Variants in BAIAP2 observed in about 807,000 individuals in gnomAD.
BAIAP2 encodes BAR/IMD domain-containing adapter protein 2.
In BAIAP2, 18 loss-of-function variants were observed where a neutral mutation model predicts 63.0. The observed-to-expected ratio is 0.29, with a 90% CI of 0.20 to 0.42. BAIAP2 has a LOEUF of 0.42. Among genes scored for constraint, BAIAP2 ranks in the 10% least tolerant of loss-of-function variants. BAIAP2 has a pLI of 1.00. For missense variants in BAIAP2, 610 were observed against 734.3 expected, an observed-to-expected ratio of 0.83 and a Z score of 1.96; for synonymous variants, 386 against 307.6, an observed-to-expected ratio of 1.25 and a Z score of -2.67.
At chr17:81,104,839 GT>G in intron 10 of BAIAP2, 124 bp downstream of exon 10, 1 of 1,039,406 alleles carries the variant, frequency 9.6e-7, no homozygotes, top group Non-Finnish European at 1.4e-6. Context: ...GGTCCTCGCC[GT>G]AGAAGACCTG....
In BAIAP2 at chr17:81,106,772, G is replaced by A. The variant is rs192600701; in HGVS notation, c.1365G>A (p.Thr455=). The change falls in exon 12 of 14, where the codon ACG becomes ACA. Residue 455 remains threonine (T), a synonymous_variant. Transcript: ENST00000428708. ...MSLQQGKSSS[T]GNLLDKDDLA... ...TGCAGCAAGGGAAGAGCAGCAGCACGGGCAACCTCCTGGACAAGGACGACC... is the reference window on the plus strand; with the variant it reads ...TGCAGCAAGGGAAGAGCAGCAGCACAGGCAACCTCCTGGACAAGGACGACC... 7.4e-6 allele frequency: 12 copies of A among 1,612,640 alleles called. No homozygotes were observed. Among genetic ancestry groups the A allele is most frequent in the African/African-American group, 5.3e-5 (4 of 75,042 alleles).
rs780319370 is a variant in BAIAP2, at chr17:81,106,059, C to T, written c.1269-19C>T. ...GCCTCTGGGCTGAGCGTGGCTCTTA[C>T]CTGGGGCCTCTCTTCCAGGCGGGGC... On this transcript the variant is annotated intron_variant, in intron 10 of 13. Transcript: ENST00000428708. The T allele has an allele frequency of 8.3e-6, 13 of 1,564,796 alleles. No homozygotes were observed. The South Asian group carries it at 1.3e-4, about 16-fold the overall frequency.
Position 81,047,958 on chromosome 17 carries a change from C to T in BAIAP2, c.55-5710C>T, listed in dbSNP as rs533256818. Among the ~76,000 whole-genome samples the T allele has an allele frequency of 2.6e-5, 4 of 152,376 alleles. No individual in the cohort carries two copies. The South Asian group carries it at 8.3e-4, about 32-fold the overall frequency. ...GTGTGGCCATACGCGCCCACCCTGG[C>T]ATCTGCCTTGAGGGGCTGGAGGGAG... On this transcript the variant is annotated intron_variant, in intron 1 of 13. Coordinates refer to ENST00000428708, the MANE Select transcript of BAIAP2 (RefSeq NM_001144888.2).
At chr17:81,049,701 G>T (rs1220539365) in intron 1 of BAIAP2, among the ~76,000 whole-genome samples, 2 of 152,224 alleles carry the variant, frequency 1.3e-5, no homozygotes, top group Non-Finnish European at 2.9e-5. Context: ...GCTGCTGTTG[G>T]TTTTCATTCC....
intron 3 of BAIAP2, among the ~76,000 whole-genome samples, chr17:81,079,699 A>T (rs949871981): frequency 3.3e-5 from 5 of 152,098 alleles, no homozygotes; most frequent in Non-Finnish European, 7.3e-5. Context: ...GATCCTTCTG[A>T]TGGCGACGGC....
In BAIAP2 at chr17:81,112,780, G is replaced by A. The variant is rs546795063; in HGVS notation, c.1536-2990G>A. On this transcript the variant is annotated intron_variant, in intron 13 of 13. Transcript: ENST00000428708. ...TGAAGCTGCCGCTTGGCCGAGCGCC[G>A]TGGCCCACACCTGTAATCCCAGCAC... Among the ~76,000 whole-genome samples, 31 of 152,332 alleles carry A rather than the reference G, an allele frequency of 2.0e-4. No individual in the cohort carries two copies. The South Asian group carries it at 3.1e-3, about 15-fold the overall frequency.
intron 2 of BAIAP2, among the ~76,000 whole-genome samples, chr17:81,055,252 C>A (rs1195734711): frequency 6.6e-6 from 1 of 151,924 alleles, no homozygotes; most frequent in African/African-American, 2.4e-5. Flanking sequence ...CAACCGAGCA[C>A]CTGGCAGAAG....
chr17:81,082,224 CAT>C (rs2054743073), intron 3 of BAIAP2, among the ~76,000 whole-genome samples: 2 of 152,200 alleles, frequency 1.3e-5, no homozygotes, highest in South Asian at 4.1e-4. Context: ...GCCACACACA[CAT>C]GCTCACCCGC....
intron 6 of BAIAP2, among the ~76,000 whole-genome samples, chr17:81,091,804 T>C (rs1210255135): frequency 1.3e-5 from 2 of 152,230 alleles, no homozygotes; most frequent in Non-Finnish European, 2.9e-5. Context: ...GTTCCCAAGC[T>C]GCCCCTGCCA....
At chr17:81,076,570 C>T (rs2053695323) in intron 3 of BAIAP2, 1 of 152,234 alleles carries the variant, frequency 6.6e-6, no homozygotes, top group African/African-American at 2.4e-5. Flanking sequence ...CCTGAAGCTG[C>T]TTCTGAAAGA....
intron 1 of BAIAP2, among the ~76,000 whole-genome samples, chr17:81,042,357 T>C (rs1341742534): frequency 6.6e-6 from 1 of 151,882 alleles, no homozygotes. Flanking sequence ...GGTCTTGCTA[T>C]GTTGCCCAGG....
At chr17:81,072,790 G>GGCCT (rs2052934381) in intron 3 of BAIAP2, among the ~76,000 whole-genome samples, 1 of 151,890 alleles carries the variant, frequency 6.6e-6, no homozygotes, top group South Asian at 2.1e-4. Flanking sequence ...GTATGAGAAG[G>GGCCT]GGCCATTGGT....
At chr17:81,088,014 G>C (rs2145389098) in intron 6 of BAIAP2, among the ~76,000 whole-genome samples, 1 of 152,210 alleles carries the variant, frequency 6.6e-6, no homozygotes, top group African/African-American at 2.4e-5. Flanking sequence ...TGAGCAGTGG[G>C]CATGGGGAGT....
At chr17:81,078,267 C>T (rs1364527987) in intron 3 of BAIAP2, among the ~76,000 whole-genome samples, 2 of 121,130 alleles carry the variant, frequency 1.7e-5, no homozygotes, top group Admixed American at 8.7e-5. Context: ...GGGAGCCAGG[C>T]GCTGTGGGTG....
intron 13 of BAIAP2, among the ~76,000 whole-genome samples, chr17:81,114,377 G>T (rs911709832): frequency 6.6e-6 from 1 of 152,088 alleles, no homozygotes; most frequent in African/African-American, 2.4e-5. Context: ...CTGGCAGGCA[G>T]ACAGGGCATG....
At chr17:81,038,907 G>A (rs567929689) in intron 1 of BAIAP2, among the ~76,000 whole-genome samples, 2 of 147,772 alleles carry the variant, frequency 1.4e-5, no homozygotes, top group Admixed American at 6.8e-5. Context: ...GGGTGGGGGG[G>A]GCAGCAGACC....
rs931272133 is a variant in BAIAP2 at position 81,108,463 on chromosome 17, C to G, written c.1501-12C>G. 1.2e-6 allele frequency: 2 copies of G among 1,613,608 alleles called. No individual in the cohort carries two copies. The highest frequency in any genetic ancestry group is 2.7e-5 in the African/African-American group (2 of 74,918). On this transcript the variant is annotated splice_polypyrimidine_tract_variant and intron_variant, in intron 12 of 13. Coordinates refer to ENST00000428708, the MANE Select transcript of BAIAP2 (RefSeq NM_001144888.2). ...GTCACCCGGCCTGACATGTTTCTGCCTCTGCCCCCAGGGCCTGGATGACTA... is the reference window on the plus strand; with the variant it reads ...GTCACCCGGCCTGACATGTTTCTGCGTCTGCCCCCAGGGCCTGGATGACTA...
Position 81,061,211 on chromosome 17 carries a change from A to G in BAIAP2, c.217+3244A>G, listed in dbSNP as rs1406989045. ...TATGCTGTCCCTTGCCCCACCCAGT[A>G]TAATTATCACAGTATTTGTTTAAAC... On this transcript the variant is annotated intron_variant, in intron 3 of 13. Coordinates refer to ENST00000428708, the MANE Select transcript of BAIAP2 (RefSeq NM_001144888.2). 3.9e-5 allele frequency among the ~76,000 whole-genome samples: 6 copies of G among 152,282 alleles called. No homozygotes were observed. The East Asian group carries it at 9.6e-4, about 24-fold the overall frequency.
chr17:81,103,516 G>T lies in BAIAP2; in HGVS notation c.657G>T (p.Leu219=), dbSNP rs765037803. The T allele has an allele frequency of 1.9e-6, 3 of 1,578,786 alleles. No homozygotes were observed. Among genetic ancestry groups the T allele is most frequent in the Non-Finnish European group, 1.7e-6 (2 of 1,169,470 alleles). The change falls in exon 8 of 14, where the codon CTG becomes CTT. Residue 219 remains leucine, a synonymous_variant. Coordinates refer to ENST00000428708, the MANE Select transcript of BAIAP2 (RefSeq NM_001144888.2). The stretch of plus-strand genomic sequence containing the variant: ...TTCCACTTCAGGGCAAGGAGCTGCT[G>T]GCGCAGAAGCTGCCGCTGTGGCAAC... The part of the protein sequence containing the change: ...AAYHSKGKEL[L]AQKLPLWQQA...
Sources: allele counts gnomAD v4.1 joint callset (sites outside exome capture counted in the v4.1 genomes callset), GRCh38; gene constraint gnomAD v4.1.1; transcripts MANE v1.5; gene names NCBI Gene and HGNC (gene_info 2026-07-23, HGNC 2026-07-21).